The following TENM1 variants were observed in gnomAD, a reference collection of about 807,000 sequenced individuals.
TENM1 encodes teneurin-1.
A neutral mutation model predicts 174.8 loss-of-function variants in TENM1; 35 were observed. The ratio of observed to expected loss-of-function variants is 0.20; its 90% CI spans 0.15 to 0.27. The LOEUF (loss-of-function observed/expected upper bound fraction) is 0.27. TENM1 is among the 10% of genes least tolerant of loss of function. The pLI, the probability that TENM1 is intolerant of heterozygous loss-of-function variation, is 1.00. For synonymous variants in TENM1, 781 were observed against 798.7 expected, an observed-to-expected ratio of 0.98 and a Z score of 0.37; for missense variants, 1,633 against 2,130.1, an observed-to-expected ratio of 0.77 and a Z score of 4.59.
chrX:125,121,279 G>C, the TENM1 span, among the ~76,000 whole-genome samples: 2 of 111,145 alleles, frequency 1.8e-5, no homozygotes, highest in Non-Finnish European at 3.8e-5. Context: ...TAGGGAACGA[G>C]GTTGGGATAA....
chrX:124,698,528 A>G (rs1473747973), intron 5 of TENM1, among the ~76,000 whole-genome samples: 1 of 110,898 alleles, frequency 9.0e-6, no homozygotes. Flanking sequence ...CATGTTTTCA[A>G]TTTTACAAAC....
At chrX:124,810,535 T>C (rs372779349) in intron 3 of TENM1, among the ~76,000 whole-genome samples, 3 of 111,737 alleles carry the variant, frequency 2.7e-5, no homozygotes, top group African/African-American at 9.7e-5. Flanking sequence ...AAAACCTTGA[T>C]GAAAGAAATG....
the TENM1 span, among the ~76,000 whole-genome samples, chrX:125,004,510 C>T: frequency 8.9e-6 from 1 of 112,100 alleles, no homozygotes; most frequent in East Asian, 2.8e-4. Flanking sequence ...TCTTTGCAAT[C>T]CCATACACTG....
intron 3 of TENM1, among the ~76,000 whole-genome samples, chrX:124,877,865 T>C (rs2057234781): frequency 1.8e-5 from 2 of 111,731 alleles, no homozygotes; most frequent in Non-Finnish European, 1.9e-5. Flanking sequence ...ATTTTGTATG[T>C]TATATGTATT....
chrX:124,441,116 T>C (rs2060898833), intron 23 of TENM1, among the ~76,000 whole-genome samples: 1 of 112,184 alleles, frequency 8.9e-6, no homozygotes, highest in Non-Finnish European at 1.9e-5. Context: ...TTTATCCCAC[T>C]TTTTATTGGT....
chrX:124,936,812 C>T (rs1480951746), intron 1 of TENM1, among the ~76,000 whole-genome samples: 9 of 111,233 alleles, frequency 8.1e-5, no homozygotes, highest in South Asian at 3.8e-4. Flanking sequence ...TTTGGGAGGC[C>T]GACGTGGGCA....
chrX:125,058,655 G>A, the TENM1 span, among the ~76,000 whole-genome samples: 2 of 110,274 alleles, frequency 1.8e-5, no homozygotes, highest in Admixed American at 9.8e-5. Context: ...TATATATGGG[G>A]ATACAGAAAG....
At chrX:124,559,486 G>A (rs894029593) in intron 14 of TENM1, among the ~76,000 whole-genome samples, 2 of 110,310 alleles carry the variant, frequency 1.8e-5, no homozygotes, top group Non-Finnish European at 3.8e-5. Flanking sequence ...TGGGCAACAT[G>A]GTGAAATCCT....
chrX:124,540,819 G>A (rs1295817577), intron 15 of TENM1, among the ~76,000 whole-genome samples: 1 of 111,609 alleles, frequency 9.0e-6, no homozygotes. Context: ...GTTTTCTTGC[G>A]AGACAGAATA....
At position 124,648,064 on chromosome X, in the gene TENM1, AG is replaced by A. The variant is rs775797431; in HGVS notation, c.1580-1255del. Among the ~76,000 whole-genome samples, 394 of 111,555 alleles carry A rather than the reference AG, an allele frequency of 3.5e-3. 3 individuals carry two copies. The highest frequency in any genetic ancestry group is 4.0e-3 in the Non-Finnish European group (210 of 53,079). On this transcript the variant is annotated intron_variant, in intron 8 of 31. Transcript: ENST00000422452. ...TGGCCTGTGGATTACTTGTATCAGT[AG>A]ATCACCTGGGGCACTTAAAATGGAG...
intron 20 of TENM1, among the ~76,000 whole-genome samples, chrX:124,492,200 T>C (rs770019772): frequency 8.9e-6 from 1 of 111,780 alleles, no homozygotes; most frequent in South Asian, 3.8e-4. Flanking sequence ...ATAATGGCTA[T>C]ATTCGTCTGT....
chrX:125,064,242 T>A, the TENM1 span, among the ~76,000 whole-genome samples: 1 of 110,447 alleles, frequency 9.1e-6, no homozygotes, highest in South Asian at 3.9e-4. Flanking sequence ...CACACCAACA[T>A]GGCACATGTA....
At chrX:124,797,177 G>GAA (rs1035684155) in intron 3 of TENM1, among the ~76,000 whole-genome samples, 2 of 111,927 alleles carry the variant, frequency 1.8e-5, no homozygotes, top group African/African-American at 6.5e-5. Context: ...TGTAGCCCAT[G>GAA]AAGTGCCCTG....
chrX:124,558,592 T>C (rs1204204174), intron 14 of TENM1, among the ~76,000 whole-genome samples: 1 of 111,520 alleles, frequency 9.0e-6, no homozygotes, highest in Non-Finnish European at 1.9e-5. Context: ...CCAGCCATTA[T>C]GGATAGCTGG....
the TENM1 span, among the ~76,000 whole-genome samples, chrX:124,981,040 T>C: frequency 1.8e-5 from 2 of 112,134 alleles, no homozygotes; most frequent in Non-Finnish European, 3.8e-5. Flanking sequence ...AAAGTATATA[T>C]TAATAGTACC....
intron 21 of TENM1, among the ~76,000 whole-genome samples, chrX:124,485,780 T>C (rs1425605620): frequency 9.0e-6 from 1 of 111,512 alleles, no homozygotes; most frequent in Admixed American, 9.5e-5. Context: ...ACTAACAAGT[T>C]TGGGCCTGGA....
chrX:124,390,713 A>G (rs2060273330), intron 28 of TENM1, among the ~76,000 whole-genome samples: 1 of 111,999 alleles, frequency 8.9e-6, no homozygotes, highest in Non-Finnish European at 1.9e-5. Context: ...AAGGTCATCA[A>G]TATACACCTT....
chrX:124,429,948 T>C (rs1177335292), intron 23 of TENM1, among the ~76,000 whole-genome samples: 1 of 112,157 alleles, frequency 8.9e-6, no homozygotes, highest in Non-Finnish European at 1.9e-5. Flanking sequence ...GAGTGGTATA[T>C]GCTGATAGCT....
intron 1 of TENM1, among the ~76,000 whole-genome samples, chrX:124,928,836 A>G (rs2058127789): frequency 9.0e-6 from 1 of 111,406 alleles, no homozygotes; most frequent in Non-Finnish European, 1.9e-5. Context: ...TGCCCCTTAA[A>G]TGACCATGCT....
Sources: allele counts gnomAD v4.1 joint callset (sites outside exome capture counted in the v4.1 genomes callset), GRCh38; gene constraint gnomAD v4.1.1; transcripts MANE v1.5; gene names NCBI Gene and HGNC (gene_info 2026-07-23, HGNC 2026-07-21).